Variants in RP2 observed in about 807,000 individuals in gnomAD.
RP2 encodes RP2 activator of ARL3 GTPase.
A neutral mutation model predicts 20.3 loss-of-function variants in RP2; 3 were observed. That is an observed-to-expected ratio of 0.15 (90% CI 0.07 to 0.38). The LOEUF is 0.38. RP2 is among the 10% of genes least tolerant of loss of function. The probability of loss-of-function intolerance (pLI) is 1.00; values close to 1 mark genes in which losing one functional copy is unlikely to be tolerated. For synonymous variants in RP2, 75 were observed against 94.8 expected (o/e 0.79, Z 1.22); for missense variants, 233 against 268.5 (o/e 0.87, Z 0.92).
intron 3 of RP2, among the ~76,000 whole-genome samples, chrX:46,873,557 T>G (rs1470259873): frequency 8.9e-6 from 1 of 111,776 alleles, no homozygotes; most frequent in Non-Finnish European, 1.9e-5. Context: ...AACACTGTAG[T>G]TTTTTTAAGG....
chrX:46,859,747 T>G (rs1925032097), intron 2 of RP2, among the ~76,000 whole-genome samples: 1 of 111,631 alleles, frequency 9.0e-6, no homozygotes, highest in African/African-American at 3.3e-5. Flanking sequence ...ACTTGAGAGA[T>G]AATTCACATT....
chrX:46,868,726 CA>C (rs1925224065), intron 3 of RP2, among the ~76,000 whole-genome samples: 1 of 100,971 alleles, frequency 9.9e-6, no homozygotes, highest in Non-Finnish European at 2.0e-5. Flanking sequence ...GTGGAGGTTG[CA>C]GTGAGCCAAG....
In RP2 at chrX:46,879,802, C is replaced by G. The variant is rs201374021; in HGVS notation, c.*33C>G. 4.4e-5 allele frequency: 39 copies of G among 884,432 alleles called. No individual in the cohort carries two copies. The Middle Eastern group carries it at 4.1e-3, about 94-fold the overall frequency. 72.9% of individuals were successfully genotyped at this position (884,432 alleles called of 1,213,427 possible). ...TGTGGAACCAGGACTTGGTATTAAG[C>G]CTTTCCCAACTTGTGAATATAGAAT... On this transcript the variant is annotated 3_prime_UTR_variant, in exon 5 of 5. Transcript: ENST00000218340.
intron 1 of RP2, among the ~76,000 whole-genome samples, 200 bp downstream of exon 1, chrX:46,837,402 G>A (rs1556313655): frequency 1.8e-5 from 2 of 111,667 alleles, no homozygotes; most frequent in East Asian, 5.7e-4. Context: ...GAGGGCTGTG[G>A]AGCTCCGGAA....
intron 2 of RP2, among the ~76,000 whole-genome samples, chrX:46,855,134 C>G (rs1015872067): frequency 2.7e-5 from 3 of 110,921 alleles, no homozygotes; most frequent in Admixed American, 9.7e-5. Flanking sequence ...ACATTACGTT[C>G]CTTATTTTCC....
At position 46,854,108 on chromosome X, in the gene RP2, C is replaced by T. The variant is rs1490594879; in HGVS notation, c.735C>T (p.Tyr245=). 8.3e-7 allele frequency: 1 copy of T among 1,211,140 alleles called. No homozygotes were observed. The highest frequency in any genetic ancestry group is 1.1e-6 in the Non-Finnish European group (1 of 894,954). ...TAGTGGTATTATTTGCTGGTGATTACACTATTGCAAATGCCAGAAAACTAA... is the reference window on the plus strand; with the variant it reads ...TAGTGGTATTATTTGCTGGTGATTATACTATTGCAAATGCCAGAAAACTAA... ...SCLVVLFAGD[Y]TIANARKLID... is the part of the protein sequence containing the mutation. The change falls in exon 2 of 5, where the codon TAC becomes TAT. Residue 245 remains tyrosine (Y), a synonymous_variant. Coordinates refer to ENST00000218340, the MANE Select transcript of RP2 (RefSeq NM_006915.3).
chrX:46,874,470 T>G (rs1004563709), intron 3 of RP2, among the ~76,000 whole-genome samples: 1 of 111,263 alleles, frequency 9.0e-6, no homozygotes, highest in Non-Finnish European at 1.9e-5. Context: ...AAACTCATTT[T>G]GCAAATTTCC....
intron 3 of RP2, among the ~76,000 whole-genome samples, chrX:46,869,299 TC>T (rs1483841374): frequency 1.2e-5 from 1 of 86,367 alleles, no homozygotes; most frequent in African/African-American, 7.3e-5. Flanking sequence ...TTGTAGTTTT[TC>T]TTTTTTTTTT....
At chrX:46,852,256 A>AAGGG (rs1195642967) in intron 1 of RP2, among the ~76,000 whole-genome samples, 12 of 110,173 alleles carry the variant, frequency 1.1e-4, no homozygotes, top group East Asian at 8.6e-4. Flanking sequence ...GGAAGAGAGG[A>AAGGG]AGGGAGGGAG....
chrX:46,838,225 T>C lies in RP2; in HGVS notation c.102+1023T>C, dbSNP rs1169643653. Among the ~76,000 whole-genome samples, 3 of 112,383 alleles carry C rather than the reference T, an allele frequency of 2.7e-5. No individual in the cohort carries two copies. The Admixed American group carries it at 2.8e-4, about 11-fold the overall frequency. Reference sequence around the variant, plus strand: ...GCATGATTTCCAATCCCCAGCAGAATGTATTCAGGTAAGCTCTGGTCTCTA... The same window carrying C: ...GCATGATTTCCAATCCCCAGCAGAACGTATTCAGGTAAGCTCTGGTCTCTA... On this transcript the variant is annotated intron_variant, in intron 1 of 4. Transcript: ENST00000218340.
intron 1 of RP2, among the ~76,000 whole-genome samples, chrX:46,850,270 C>A (rs1247159769): frequency 8.9e-6 from 1 of 111,734 alleles, no homozygotes; most frequent in Admixed American, 9.5e-5. Context: ...CATTGAATTA[C>A]CAGTCTGCTG....
intron 1 of RP2, among the ~76,000 whole-genome samples, chrX:46,852,169 T>C (rs1344783488): frequency 4.5e-5 from 5 of 110,318 alleles, no homozygotes; most frequent in Non-Finnish European, 9.5e-5. Context: ...ATTGCGCCAT[T>C]GCATTCCAGC....
At chrX:46,860,217 GT>G in intron 3 of RP2, 115 bp downstream of exon 3, 1 of 540,941 alleles carries the variant, frequency 1.8e-6, no homozygotes, top group Non-Finnish European at 3.2e-6. Context: ...TTTGTTCTTT[GT>G]TTTTTTTCTA....
At chrX:46,866,909 G>T (rs782622007) in intron 3 of RP2, among the ~76,000 whole-genome samples, 1 of 111,265 alleles carries the variant, frequency 9.0e-6, no homozygotes, top group Non-Finnish European at 1.9e-5. Flanking sequence ...TCCCTTGTGT[G>T]GCCCCTTTAG....
chrX:46,860,684 T>C (rs1432778766), intron 3 of RP2, among the ~76,000 whole-genome samples: 1 of 111,416 alleles, frequency 9.0e-6, no homozygotes, highest in Non-Finnish European at 1.9e-5. Context: ...TGCCTACCTG[T>C]ATTTGAAGGT....
At chrX:46,851,774 A>G (rs1159345449) in intron 1 of RP2, among the ~76,000 whole-genome samples, 1 of 111,877 alleles carries the variant, frequency 8.9e-6, no homozygotes, top group Non-Finnish European at 1.9e-5. Context: ...TACTAAAAAT[A>G]CAAAAACAGG....
intron 2 of RP2, among the ~76,000 whole-genome samples, chrX:46,858,093 G>A (rs1358380479): frequency 8.9e-6 from 1 of 112,344 alleles, no homozygotes; most frequent in Non-Finnish European, 1.9e-5. Flanking sequence ...TGTAGAAAAT[G>A]TCACAATTAA....
chrX:46,859,397 GA>G (rs1925025082), intron 2 of RP2, among the ~76,000 whole-genome samples: 1 of 108,082 alleles, frequency 9.3e-6, no homozygotes, highest in Admixed American at 1.0e-4. Flanking sequence ...GCTGAGGTGG[GA>G]GAATCGTTTG....
At chrX:46,851,805 G>A (rs1466227671) in intron 1 of RP2, among the ~76,000 whole-genome samples, 2 of 111,774 alleles carry the variant, frequency 1.8e-5, no homozygotes, top group Non-Finnish European at 3.8e-5. Flanking sequence ...GGTGGCTCAC[G>A]CCTGTAATCC....
Sources: allele counts gnomAD v4.1 joint callset (sites outside exome capture counted in the v4.1 genomes callset), GRCh38; gene constraint gnomAD v4.1.1; transcripts MANE v1.5; gene names NCBI Gene and HGNC (gene_info 2026-07-23, HGNC 2026-07-21).